RBMS3: variants seen among roughly 807,000 people sequenced by gnomAD.
RBMS3 encodes RNA-binding motif, single-stranded-interacting protein 3.
RBMS3 carries 27 observed loss-of-function variants against 66.8 expected under a neutral mutation model. The observed-to-expected ratio is 0.40, with a 90% CI of 0.30 to 0.56. The LOEUF is 0.56. Among genes scored for constraint, RBMS3 ranks in the 20% least tolerant of loss-of-function variants. RBMS3 has a pLI of 0.40. For synonymous variants in RBMS3, 188 were observed against 183.0 expected (o/e 1.03, Z -0.22); for missense variants, 513 against 549.5 (o/e 0.93, Z 0.66).
intron 4 of RBMS3, among the ~76,000 whole-genome samples, chr3:29,666,389 G>A (rs368685431): frequency 1.1e-4 from 16 of 152,182 alleles, no homozygotes; most frequent in African/African-American, 3.9e-4. Context: ...AACAGTGTCT[G>A]GCACCTAGGG....
intron 9 of RBMS3, among the ~76,000 whole-genome samples, chr3:29,898,808 G>C (rs1190883367): frequency 1.3e-5 from 2 of 150,222 alleles, no homozygotes; most frequent in Non-Finnish European, 3.0e-5. Flanking sequence ...TTCCAGCCAA[G>C]ACCACCCATT....
intron 4 of RBMS3, among the ~76,000 whole-genome samples, chr3:29,730,204 A>T (rs1313745569): frequency 6.7e-6 from 1 of 149,976 alleles, no homozygotes; most frequent in Admixed American, 6.8e-5. Flanking sequence ...ATTTAACAAG[A>T]TGTCTTATAT....
chr3:29,641,608 T>C (rs2149197194), intron 4 of RBMS3, among the ~76,000 whole-genome samples: 1 of 152,254 alleles, frequency 6.6e-6, no homozygotes, highest in South Asian at 2.1e-4. Flanking sequence ...TGGCAATGAC[T>C]TTTAATTTTT....
rs1490414573 is a variant in RBMS3 at position 29,708,711 on chromosome 3, G to A, written c.400-31009G>A. Among the ~76,000 whole-genome samples, 7 of 152,024 alleles carry A rather than the reference G, an allele frequency of 4.6e-5. No individual in the cohort carries two copies. In the East Asian group the frequency reaches 5.9e-4, roughly 13 times the overall value. On this transcript the variant is annotated intron_variant, in intron 4 of 14. Transcript: ENST00000383767. ...GTCTCTGATGGGAAGCAGAGACTAT[G>A]GGTGGGCTCCCTACACCTGTTTCTG...
chr3:29,897,517 C>T, intron 9 of RBMS3, 42 bp downstream of exon 9: 1 of 1,549,900 alleles, frequency 6.5e-7, no homozygotes, highest in Non-Finnish European at 8.9e-7. Context: ...ATCTTTCTTG[C>T]AGTAATACAG....
intron 3 of RBMS3, among the ~76,000 whole-genome samples, chr3:29,571,645 A>G (rs1277200179): frequency 6.6e-6 from 1 of 152,048 alleles, no homozygotes; most frequent in African/African-American, 2.4e-5. Context: ...GTCTGTTTTT[A>G]TGCCAGTACC....
chr3:29,353,760 G>C (rs1286549562), intron 1 of RBMS3, among the ~76,000 whole-genome samples: 1 of 151,986 alleles, frequency 6.6e-6, no homozygotes. Flanking sequence ...CTACCAAGGG[G>C]CATATGGACT....
At chr3:29,662,329 A>G (rs72846073) in intron 4 of RBMS3, among the ~76,000 whole-genome samples, 5,394 of 152,254 alleles carry the variant, frequency 0.035, 212 homozygotes, top group African/African-American at 0.09. Context: ...TTACCTGTTT[A>G]TAGACACTGA....
intron 2 of RBMS3, among the ~76,000 whole-genome samples, chr3:29,445,146 A>G (rs566337093): frequency 6.6e-6 from 1 of 152,026 alleles, no homozygotes; most frequent in South Asian, 2.1e-4. Flanking sequence ...AGTAATATAA[A>G]AATGATTTTA....
At position 29,721,272 on chromosome 3, in the gene RBMS3, A is replaced by G. The variant is rs369140318; in HGVS notation, c.400-18448A>G. Reference sequence around the variant, plus strand: ...CCTTGCACACATGTAAGGACTCTTTAATGATAAAAATACCCAAATCAACAT... The same window carrying G: ...CCTTGCACACATGTAAGGACTCTTTGATGATAAAAATACCCAAATCAACAT... On this transcript the variant is annotated intron_variant, in intron 4 of 14. Coordinates refer to ENST00000383767, the MANE Select transcript of RBMS3 (RefSeq NM_001003793.3). Among the ~76,000 whole-genome samples, 7 of 152,268 alleles carry G rather than the reference A, an allele frequency of 4.6e-5. No homozygotes were observed. In the East Asian group the frequency reaches 9.6e-4, roughly 21 times the overall value.
At chr3:29,445,823 C>CACT (rs1553604195) in intron 2 of RBMS3, among the ~76,000 whole-genome samples, 1 of 152,086 alleles carries the variant, frequency 6.6e-6, no homozygotes, top group African/African-American at 2.4e-5. Context: ...ATATCTCTAA[C>CACT]ACAGTAGTAT....
chr3:29,495,837 G>A (rs1401996147), intron 3 of RBMS3, among the ~76,000 whole-genome samples: 1 of 152,134 alleles, frequency 6.6e-6, no homozygotes, highest in African/African-American at 2.4e-5. Flanking sequence ...CTATGGATTA[G>A]TTTTAACAAG....
At chr3:29,443,171 T>C (rs1220549940) in intron 2 of RBMS3, among the ~76,000 whole-genome samples, 1 of 152,080 alleles carries the variant, frequency 6.6e-6, no homozygotes, top group Non-Finnish European at 1.5e-5. Context: ...ATGTGAATAG[T>C]GGTCCAAATA....
At position 29,839,144 on chromosome 3, in the gene RBMS3, G is replaced by T. The variant is rs72848033; in HGVS notation, c.638-29714G>T. Among the ~76,000 whole-genome samples, 1,227 of 152,212 alleles carry T rather than the reference G, an allele frequency of 8.1e-3. 16 individuals carry two copies. The highest frequency in any genetic ancestry group is 0.029 in the African/African-American group (1,188 of 41,526). On this transcript the variant is annotated intron_variant, in intron 6 of 14. Coordinates refer to ENST00000383767, the MANE Select transcript of RBMS3 (RefSeq NM_001003793.3). The stretch of plus-strand genomic sequence containing the variant: ...AGTCTTCATCTGTAGCCATTAATTT[G>T]GTGACAGCCAATAATTATTTTAACT...
chr3:29,848,857 C>T (rs980133465), intron 6 of RBMS3, among the ~76,000 whole-genome samples: 3 of 151,984 alleles, frequency 2.0e-5, no homozygotes, highest in African/African-American at 7.3e-5. Context: ...TGGGGACAAA[C>T]TAAAACCTAC....
intron 3 of RBMS3, among the ~76,000 whole-genome samples, chr3:29,544,890 C>T (rs1437226683): frequency 1.3e-5 from 2 of 152,054 alleles, no homozygotes; most frequent in Non-Finnish European, 1.5e-5. Context: ...ACTATATATG[C>T]TAATAAAGGT....
Position 29,896,274 on chromosome 3 carries a change from G to A in RBMS3, c.792-1105G>A, listed in dbSNP as rs141987862. On this transcript the variant is annotated intron_variant, in intron 8 of 14. Transcript: ENST00000383767. Reference sequence around the variant, plus strand: ...GTCTCATGGGATGCTTTCTTAGAAAGACAACTCATGAAAATCTCTATTTAA... The same window carrying A: ...GTCTCATGGGATGCTTTCTTAGAAAAACAACTCATGAAAATCTCTATTTAA... Among the ~76,000 whole-genome samples the A allele has an allele frequency of 1.6e-3, 247 of 151,094 alleles. 1 individual carries two copies. The highest frequency in any genetic ancestry group is 5.7e-3 in the African/African-American group (235 of 41,280).
chr3:29,991,412 A>G, intron 14 of RBMS3: 2 of 715,700 alleles, frequency 2.8e-6, no homozygotes, highest in Non-Finnish European at 2.2e-6. Flanking sequence ...GGAATCAAAC[A>G]TCTAGGAACA....
intron 6 of RBMS3, among the ~76,000 whole-genome samples, chr3:29,783,548 C>A (rs929506584): frequency 6.6e-6 from 1 of 152,004 alleles, no homozygotes; most frequent in African/African-American, 2.4e-5. Context: ...AAAGGGAGCT[C>A]TAAATCTTGA....
Sources: allele counts gnomAD v4.1 joint callset (sites outside exome capture counted in the v4.1 genomes callset), GRCh38; gene constraint gnomAD v4.1.1; transcripts MANE v1.5; gene names NCBI Gene and HGNC (gene_info 2026-07-23, HGNC 2026-07-21).